Variants in GRHL1 observed in about 807,000 individuals in gnomAD.
The protein encoded by GRHL1 is grainyhead like transcription factor 1.
Under a neutral mutation model 75.7 loss-of-function variants are expected in GRHL1, and 38 were observed. The observed-to-expected ratio is 0.50, with a 90% CI of 0.39 to 0.66. The LOEUF is 0.66. Among genes scored for constraint, GRHL1 ranks in the 30% least tolerant of loss-of-function variants. The pLI, the probability that GRHL1 is intolerant of heterozygous loss-of-function variation, is 0.00. For synonymous variants in GRHL1, 266 were observed against 279.4 expected, an observed-to-expected ratio of 0.95 and a Z score of 0.48; for missense variants, 589 against 767.5, an observed-to-expected ratio of 0.77 and a Z score of 2.75.
At chr2:9,956,042 G>A (rs1160582870) in intron 2 of GRHL1, among the ~76,000 whole-genome samples, 1 of 152,162 alleles carries the variant, frequency 6.6e-6, no homozygotes, top group African/African-American at 2.4e-5. Context: ...GATCTGTTTG[G>A]GATTACCAGA....
At chr2:9,989,801 C>T (rs1453327945) in intron 9 of GRHL1, among the ~76,000 whole-genome samples, 7 of 152,198 alleles carry the variant, frequency 4.6e-5, no homozygotes, top group African/African-American at 9.6e-5. Flanking sequence ...CCACCCACCT[C>T]GGCCTCCCAA....
rs140008573 is a variant in GRHL1, at chr2:9,965,291, C to A, written c.1020C>A (p.Asp340Glu). The part of the protein sequence containing the change: ...TAKQRCIDIA[D>E]YKESFNTISN... The stretch of plus-strand genomic sequence containing the variant: ...CTCTTCCACCGCTTCCTGTAGCTGA[C>A]TATAAAGAAAGCTTCAACACTATCA... Residue 340 changes from aspartate to glutamate, a missense_variant, in exon 8 of 16, where the codon GAC becomes GAA. Asp to Glu is a conservative substitution (Grantham distance 45). Coordinates refer to ENST00000324907, the MANE Select transcript of GRHL1 (RefSeq NM_198182.3). The A allele has an allele frequency of 6.3e-6, 10 of 1,585,248 alleles. No homozygotes were observed. The highest frequency in any genetic ancestry group is 1.3e-5 in the African/African-American group (1 of 74,352).
rs748035523 is a variant in GRHL1 at position 9,976,264 on chromosome 2, G to C, written c.1111-9860G>C. 6.0e-4 allele frequency among the ~76,000 whole-genome samples: 92 copies of C among 152,306 alleles called. No homozygotes were observed. The Middle Eastern group carries it at 0.014, about 23-fold the overall frequency. On this transcript the variant is annotated intron_variant, in intron 8 of 15. Transcript: ENST00000324907. ...ACACGAAGGAAGGGAACCTCACTTGGAATAGGAAGATTCGTCACACTTCTC... is the reference window on the plus strand; with the variant it reads ...ACACGAAGGAAGGGAACCTCACTTGCAATAGGAAGATTCGTCACACTTCTC...
At chr2:9,964,098 C>A in intron 6 of GRHL1, 56 bp downstream of exon 6, 1 of 1,535,948 alleles carries the variant, frequency 6.5e-7, no homozygotes, top group Non-Finnish European at 9.0e-7. Context: ...CCTAACATTT[C>A]CAGGTCTGAA....
intron 12 of GRHL1, among the ~76,000 whole-genome samples, chr2:9,994,283 T>G (rs1668760922): frequency 6.6e-6 from 1 of 151,410 alleles, no homozygotes. Flanking sequence ...TAGGTGGGAC[T>G]ACAGGCACAT....
intron 8 of GRHL1, among the ~76,000 whole-genome samples, chr2:9,984,622 T>A (rs1004789766): frequency 6.6e-6 from 1 of 151,570 alleles, no homozygotes; most frequent in Non-Finnish European, 1.5e-5. Context: ...GAGAGAAGGG[T>A]GTGACATCTC....
chr2:9,972,307 T>C (rs1167524850), intron 8 of GRHL1, among the ~76,000 whole-genome samples: 2 of 151,952 alleles, frequency 1.3e-5, no homozygotes, highest in African/African-American at 4.8e-5. Flanking sequence ...TAACCCTCCT[T>C]CTCCTAGGTC....
chr2:9,996,755 T>C (rs1353775888), intron 14 of GRHL1, among the ~76,000 whole-genome samples: 4 of 152,244 alleles, frequency 2.6e-5, no homozygotes, highest in African/African-American at 9.6e-5. Flanking sequence ...ATAAAAACAG[T>C]GGCTCCTCAG....
chr2:9,961,068 G>C lies in GRHL1; in HGVS notation c.301G>C (p.Glu101Gln). ...AAGAAACAGCATACCAATTGTGACA[G>C]AGCAGCCCCTCATCTCTGCTGGAGA... Reference protein sequence around the residue: ...SKRNSIPIVTEQPLISAGENR... With the variant: ...SKRNSIPIVTQQPLISAGENR... Residue 101 changes from glutamate to glutamine, a missense_variant, in exon 4 of 16, where the codon GAG (glutamate) becomes CAG (glutamine). Coordinates refer to ENST00000324907, the MANE Select transcript of GRHL1 (RefSeq NM_198182.3). 2 of 1,552,254 alleles carry C rather than the reference G, an allele frequency of 1.3e-6. No homozygotes were observed. Among genetic ancestry groups the C allele is most frequent in the South Asian group, 1.2e-5 (1 of 84,452 alleles).
intron 8 of GRHL1, among the ~76,000 whole-genome samples, chr2:9,983,680 G>A (rs146338492): frequency 3.9e-5 from 6 of 152,206 alleles, no homozygotes; most frequent in East Asian, 3.9e-4. Context: ...ATTGAGCCAC[G>A]TGGCCTAGAA....
intron 7 of GRHL1, 27 bp downstream of exon 7, chr2:9,964,373 T>G (rs1468684422): frequency 2.6e-6 from 3 of 1,164,972 alleles, no homozygotes; most frequent in Non-Finnish European, 3.8e-6. Context: ...CCCGCTTTTA[T>G]TCCCAGAGGT....
At chr2:9,981,608 A>G (rs1333680541) in intron 8 of GRHL1, among the ~76,000 whole-genome samples, 2 of 152,246 alleles carry the variant, frequency 1.3e-5, no homozygotes, top group Admixed American at 6.5e-5. Flanking sequence ...GTAGTTGCAT[A>G]TGACCTACGG....
chr2:9,969,988 G>A (rs1471876127), intron 8 of GRHL1, among the ~76,000 whole-genome samples: 5 of 151,942 alleles, frequency 3.3e-5, no homozygotes, highest in African/African-American at 4.8e-5. Context: ...GACTACAGGC[G>A]TCCGCCACCA....
rs375954600 is a variant in GRHL1 at position 9,965,260 on chromosome 2, CA to C, written c.1016-26del. On this transcript the variant is annotated intron_variant, in intron 7 of 15. Transcript: ENST00000324907. ...GTTGAAACTAAGACTCATGAGTTTT[CA>C]TTTTCTCTTCCACCGCTTCCTGTAG... 1.4e-5 allele frequency: 18 copies of C among 1,305,968 alleles called. No homozygotes were observed. In the African/African-American group the frequency reaches 2.2e-4, roughly 16 times the overall value. The allele number at this position is 1,305,968 out of a possible 1,614,324, so 80.9% of individuals were successfully genotyped here. A position where few individuals can be genotyped will look rare whatever the true frequency, so the allele number is the denominator to read the frequency against.
chr2:9,988,234 G>A (rs114057031), intron 9 of GRHL1, among the ~76,000 whole-genome samples: 203 of 152,252 alleles, frequency 1.3e-3, no homozygotes, highest in African/African-American at 4.7e-3. Context: ...TTTGCTAGGC[G>A]GATCTGGAGC....
intron 2 of GRHL1, among the ~76,000 whole-genome samples, chr2:9,955,706 A>G (rs555830188): frequency 1.4e-4 from 21 of 152,350 alleles, no homozygotes; most frequent in Middle Eastern, 6.8e-3. Context: ...TGCCACTATT[A>G]TGCTAGACAT....
In GRHL1 at chr2:9,954,949, C is replaced by T. The variant is rs757409458; in HGVS notation, c.55C>T (p.Leu19Phe). The T allele has an allele frequency of 1.2e-6, 2 of 1,613,588 alleles. No homozygotes were observed. Among genetic ancestry groups the T allele is most frequent in the Non-Finnish European group, 1.7e-6 (2 of 1,179,708 alleles). Residue 19 changes from leucine (L) to phenylalanine (F), a missense_variant, in exon 2 of 16, where the codon CTT becomes TTT. By Grantham distance (22) the Leu-to-Phe change is conservative. Around this residue, in one of 5 missense-constraint regions of GRHL1, gnomAD observed 362 missense variants for 461.8 expected, o/e 0.78. Transcript: ENST00000324907. ...RPVLVLQNEA[L>F]YPQRRSYTSE... ...AGTGTTGGTTCTTCAGAATGAAGCACTTTATCCACAGCGGCGGTCCTACAC... is the reference window on the plus strand; with the variant it reads ...AGTGTTGGTTCTTCAGAATGAAGCATTTTATCCACAGCGGCGGTCCTACAC...
Position 9,992,201 on chromosome 2 carries a change from A to AAATTCTTTG in GRHL1, c.1461+56_1461+64dup. ...CCAGGAAGGAAGGCATGGCAAAAGG[A>AAATTCTTTG]AATTCTTTGGCATTATTCATGGGAA... On this transcript the variant is annotated intron_variant, in intron 11 of 15. Transcript: ENST00000324907. The surrounding 1 kb of genome is among the most constrained non-coding windows in gnomAD (Gnocchi z 4.6). 1 of 1,555,140 alleles carries AAATTCTTTG rather than the reference A, an allele frequency of 6.4e-7. No homozygotes were observed. The highest frequency in any genetic ancestry group is 1.2e-5 in the South Asian group (1 of 85,934).
chr2:9,984,586 C>T (rs921960940), intron 8 of GRHL1, among the ~76,000 whole-genome samples: 4 of 151,884 alleles, frequency 2.6e-5, no homozygotes, highest in South Asian at 2.1e-4. Context: ...AGAAAATGTG[C>T]GGGAGATAAC....
Sources: allele counts gnomAD v4.1 joint callset (sites outside exome capture counted in the v4.1 genomes callset), GRCh38; gene constraint gnomAD v4.1.1; regional missense constraint gnomAD v4.1.1; non-coding constraint Gnocchi (gnomAD v3.1); transcripts MANE v1.5; gene names NCBI Gene and HGNC (gene_info 2026-07-23, HGNC 2026-07-21).